GRIP1: variants seen among roughly 807,000 people sequenced by gnomAD.
The protein encoded by GRIP1 is glutamate receptor interacting protein 1, also known as glutamate receptor-interacting protein 1.
In GRIP1, 45 loss-of-function variants were observed where a neutral mutation model predicts 129.9. The ratio of observed to expected loss-of-function variants is 0.35; its 90% CI spans 0.27 to 0.44. The LOEUF is 0.44. Ranked by LOEUF, GRIP1 falls within the 20% of genes least tolerant of loss-of-function variation. GRIP1 has a pLI of 1.00. For synonymous variants in GRIP1, 530 were observed against 520.8 expected (o/e 1.02, Z -0.24); for missense variants, 1,196 against 1,396.8 (o/e 0.86, Z 2.29).
intron 1 of GRIP1, among the ~76,000 whole-genome samples, chr12:66,851,252 C>T (rs908376734): frequency 1.3e-5 from 2 of 151,772 alleles, no homozygotes; most frequent in African/African-American, 4.8e-5. Context: ...TCCTTTACAA[C>T]ACCATTACCT....
chr12:66,958,146 AT>A (rs1401729995), intron 1 of GRIP1, among the ~76,000 whole-genome samples: 1 of 151,766 alleles, frequency 6.6e-6, no homozygotes, highest in East Asian at 1.9e-4. Context: ...TTGCTTATTT[AT>A]TTATTTACTT....
At chr12:66,894,323 C>T (rs2040710804) in intron 1 of GRIP1, among the ~76,000 whole-genome samples, 1 of 152,092 alleles carries the variant, frequency 6.6e-6, no homozygotes, top group African/African-American at 2.4e-5. Flanking sequence ...TCAATTTACC[C>T]AACAGCGTCT....
chr12:66,687,121 C>G (rs1240410974), intron 1 of GRIP1, among the ~76,000 whole-genome samples: 1 of 152,082 alleles, frequency 6.6e-6, no homozygotes, highest in African/African-American at 2.4e-5. Context: ...AATAAAGCCT[C>G]CTCAATTCTA....
At chr12:66,665,531 T>G (rs2033748741) in intron 1 of GRIP1, among the ~76,000 whole-genome samples, 1 of 152,208 alleles carries the variant, frequency 6.6e-6, no homozygotes, top group African/African-American at 2.4e-5. Context: ...TTTTGAGATC[T>G]GTCATAAATG....
At chr12:66,425,387 A>C (rs1028694114) in intron 14 of GRIP1, among the ~76,000 whole-genome samples, 5 of 152,220 alleles carry the variant, frequency 3.3e-5, no homozygotes, top group African/African-American at 1.2e-4. Context: ...ACTGTAAAGT[A>C]GTTCAACCAT....
intron 1 of GRIP1, among the ~76,000 whole-genome samples, chr12:66,609,839 A>G (rs1045188578): frequency 1.3e-5 from 2 of 152,092 alleles, no homozygotes; most frequent in African/African-American, 4.8e-5. Context: ...TCCTTCCATC[A>G]CTGTTTGTCA....
At chr12:66,598,520 A>T (rs905026635) in intron 1 of GRIP1, among the ~76,000 whole-genome samples, 1 of 152,188 alleles carries the variant, frequency 6.6e-6, no homozygotes, top group African/African-American at 2.4e-5. Context: ...AAAATCCACA[A>T]AACAAAATAC....
chr12:66,380,116 G>T (rs979547998), intron 19 of GRIP1, among the ~76,000 whole-genome samples: 2 of 151,908 alleles, frequency 1.3e-5, no homozygotes, highest in African/African-American at 4.8e-5. Context: ...TACCATGTTG[G>T]CCAGGATGGT....
intron 7 of GRIP1, among the ~76,000 whole-genome samples, chr12:66,487,176 G>T (rs1286853611): frequency 6.6e-6 from 1 of 152,074 alleles, no homozygotes; most frequent in Admixed American, 6.6e-5. Flanking sequence ...CATTGCACAA[G>T]CTCTGGAAGC....
At chr12:66,982,682 G>C (rs747032014) in intron 1 of GRIP1, among the ~76,000 whole-genome samples, 5 of 152,172 alleles carry the variant, frequency 3.3e-5, no homozygotes, top group Non-Finnish European at 7.3e-5. Flanking sequence ...AGTGAGCTTA[G>C]AAGTGGGTTC....
rs150951762 is a variant in GRIP1, at chr12:66,706,199, G to A, written c.-419-75863C>T. Among the ~76,000 whole-genome samples, 231 of 152,046 alleles carry A rather than the reference G, an allele frequency of 1.5e-3. 1 individual carries two copies. The highest frequency in any genetic ancestry group is 2.5e-3 in the Non-Finnish European group (169 of 67,898). ...TCTAGAATTTACAAGGAACTTAAACGTATTTACAAGAAAAAGACAACCCCA... is the reference window on the plus strand; with the variant it reads ...TCTAGAATTTACAAGGAACTTAAACATATTTACAAGAAAAAGACAACCCCA... On this transcript the variant is annotated intron_variant, in intron 1 of 4. Transcript: ENST00000538373.
chr12:66,986,496 C>T (rs1462112128), intron 1 of GRIP1, among the ~76,000 whole-genome samples: 2 of 148,444 alleles, frequency 1.3e-5, no homozygotes, highest in Non-Finnish European at 3.0e-5. Context: ...TACTATGCAG[C>T]CATAAAAAAT....
chr12:66,505,119 G>A (rs2060493325), intron 7 of GRIP1, among the ~76,000 whole-genome samples: 1 of 152,090 alleles, frequency 6.6e-6, no homozygotes, highest in South Asian at 2.1e-4. Flanking sequence ...TTGGCATCAG[G>A]GACCTTAAAA....
chr12:66,624,715 A>G (rs2065412587), intron 1 of GRIP1, among the ~76,000 whole-genome samples: 1 of 152,142 alleles, frequency 6.6e-6, no homozygotes. Context: ...GACTTTCTCC[A>G]TGTGAAATTT....
At chr12:66,428,626 C>G (rs984547432) in intron 14 of GRIP1, among the ~76,000 whole-genome samples, 1 of 152,036 alleles carries the variant, frequency 6.6e-6, no homozygotes, top group Non-Finnish European at 1.5e-5. Flanking sequence ...GGTTTGGATC[C>G]CTGCTTCACT....
chr12:66,760,720 G>GT (rs2037448337), intron 1 of GRIP1, among the ~76,000 whole-genome samples: 1 of 152,152 alleles, frequency 6.6e-6, no homozygotes, highest in Non-Finnish European at 1.5e-5. Context: ...AAACAGAAGA[G>GT]TATTATGAAT....
At chr12:67,060,259 C>A (rs553921761) in intron 1 of GRIP1, among the ~76,000 whole-genome samples, 40 of 152,280 alleles carry the variant, frequency 2.6e-4, no homozygotes, top group South Asian at 1.0e-3. Flanking sequence ...AACCAAGATT[C>A]CCTAAGAGTT....
chr12:66,519,306 A>C (rs972093877), intron 5 of GRIP1, among the ~76,000 whole-genome samples: 1 of 152,226 alleles, frequency 6.6e-6, no homozygotes, highest in African/African-American at 2.4e-5. Context: ...TCTTTAAAAT[A>C]AGAAATTCAC....
chr12:66,714,078 C>A (rs2035794825), intron 1 of GRIP1, among the ~76,000 whole-genome samples: 1 of 151,988 alleles, frequency 6.6e-6, no homozygotes, highest in Non-Finnish European at 1.5e-5. Context: ...TTTAAAATTT[C>A]TTACCAGATG....
Sources: gnomAD v4.1 joint callset for allele counts (sites outside exome capture counted in the v4.1 genomes callset) on GRCh38, gnomAD v4.1.1 for gene constraint, MANE v1.5 for transcripts, NCBI Gene and HGNC (gene_info 2026-07-23, HGNC 2026-07-21) for gene names.